The following SHMT1 variants were observed in gnomAD, a reference collection of about 807,000 sequenced individuals.
SHMT1 encodes the protein serine hydroxymethyltransferase 1.
A neutral mutation model predicts 49.0 loss-of-function variants in SHMT1; 45 were observed. The observed-to-expected ratio is 0.92, with a 90% CI of 0.72 to 1.18. The LOEUF (loss-of-function observed/expected upper bound fraction) is 1.18. SHMT1 is among the 50% of genes most tolerant of loss of function. The probability of loss-of-function intolerance (pLI) is 0.00; values close to 1 mark genes in which losing one functional copy is unlikely to be tolerated. For missense variants in SHMT1, 541 were observed against 612.4 expected, an observed-to-expected ratio of 0.88 and a Z score of 1.23; for synonymous variants, 232 against 246.6, an observed-to-expected ratio of 0.94 and a Z score of 0.55.
intron 2 of SHMT1, among the ~76,000 whole-genome samples, chr17:18,355,494 C>A (rs1598064232): frequency 6.6e-6 from 1 of 151,882 alleles, no homozygotes; most frequent in East Asian, 1.9e-4. Context: ...GAGCCAAGAT[C>A]ACGCCATTGC....
intron 3 of SHMT1, among the ~76,000 whole-genome samples, chr17:18,351,727 T>C (rs904849665): frequency 6.6e-6 from 1 of 151,864 alleles, no homozygotes; most frequent in Non-Finnish European, 1.5e-5. Flanking sequence ...TGAGCCGAGA[T>C]TGTGCCACTG....
At chr17:18,336,147 T>G (rs762843650) in intron 7 of SHMT1, among the ~76,000 whole-genome samples, 43 of 151,848 alleles carry the variant, frequency 2.8e-4, no homozygotes, top group Non-Finnish European at 4.9e-4. Context: ...CGTGGTGGTG[T>G]GCACCTGTAG....
At chr17:18,342,489 A>G (rs1984628940) in intron 5 of SHMT1, among the ~76,000 whole-genome samples, 1 of 151,800 alleles carries the variant, frequency 6.6e-6, no homozygotes, top group Non-Finnish European at 1.5e-5. Flanking sequence ...TAATTCTTAT[A>G]TTTTTGTAGA....
At chr17:18,361,256 G>A (rs1281189520) in intron 1 of SHMT1, among the ~76,000 whole-genome samples, 20 of 138,940 alleles carry the variant, frequency 1.4e-4, no homozygotes, top group Non-Finnish European at 2.7e-4. Flanking sequence ...CTGAGATCGT[G>A]CCACCGCACT....
chr17:18,331,044 C>T (rs1411684364), intron 9 of SHMT1: 2 of 360,300 alleles, frequency 5.6e-6, no homozygotes, highest in Non-Finnish European at 5.4e-6. Context: ...GTTCAATTTA[C>T]TTTGGGGGGT....
rs199755506 is a variant in SHMT1 at position 18,330,717 on chromosome 17, C to T, written c.1055-46G>A. On this transcript the variant is annotated intron_variant, in intron 9 of 11. Transcript: ENST00000316694. ...GTAGAAATGCAGGCGAATTCTATGC[C>T]GTGAAGGAATCTCTGAGAAACGAAG... 3.0e-5 allele frequency: 41 copies of T among 1,364,392 alleles called. 2 individuals carry two copies. The East Asian group carries it at 6.4e-4, about 21-fold the overall frequency. 84.5% of individuals were successfully genotyped at this position (1,364,392 alleles called of 1,614,324 possible).
At chr17:18,351,574 C>T (rs573825609) in intron 3 of SHMT1, among the ~76,000 whole-genome samples, 5 of 151,928 alleles carry the variant, frequency 3.3e-5, no homozygotes, top group South Asian at 2.1e-4. Context: ...CTGGCTAACA[C>T]GGTGAAACCC....
At chr17:18,333,086 C>T (rs1263380214) in intron 9 of SHMT1, 80 bp downstream of exon 9, 1 of 1,562,056 alleles carries the variant, frequency 6.4e-7, no homozygotes, top group Non-Finnish European at 8.8e-7. Context: ...GCCTGGGCCA[C>T]ATCCTGGTTG....
intron 3 of SHMT1, among the ~76,000 whole-genome samples, chr17:18,350,408 G>A (rs954102711): frequency 2.6e-5 from 4 of 152,034 alleles, no homozygotes; most frequent in South Asian, 2.1e-4. Context: ...TAATATGGAA[G>A]GCTCAGGTGG....
chr17:18,356,060 T>G, intron 1 of SHMT1, 60 bp from the exon 2 acceptor site: 1 of 823,538 alleles, frequency 1.2e-6, no homozygotes, highest in Admixed American at 2.5e-5. Context: ...TTTTATTTAT[T>G]TTTTATTTAT....
intron 1 of SHMT1, among the ~76,000 whole-genome samples, chr17:18,361,123 C>T (rs1018068305): frequency 9.9e-5 from 15 of 151,408 alleles, no homozygotes; most frequent in Admixed American, 5.3e-4. Context: ...CTGACCAACA[C>T]GGTAAAACTC....
At chr17:18,350,244 T>C (rs1003557335) in intron 3 of SHMT1, among the ~76,000 whole-genome samples, 74 of 152,072 alleles carry the variant, frequency 4.9e-4, no homozygotes, top group African/African-American at 1.7e-3. Context: ...GGCAGGAGAA[T>C]GGCGTGAACC....
At chr17:18,352,541 C>T (rs936149474) in intron 3 of SHMT1, among the ~76,000 whole-genome samples, 2 of 151,054 alleles carry the variant, frequency 1.3e-5, no homozygotes, top group South Asian at 2.1e-4. Context: ...TGGTGTGGAC[C>T]GGGTGCAGTG....
rs892567262 is a variant in SHMT1 at position 18,336,248 on chromosome 17, G to A, written c.815-573C>T. 2.6e-5 allele frequency among the ~76,000 whole-genome samples: 4 copies of A among 152,030 alleles called. No homozygotes were observed. In the South Asian group the frequency reaches 8.3e-4, roughly 31 times the overall value. On this transcript the variant is annotated intron_variant, in intron 7 of 11. Transcript: ENST00000316694. Reference sequence around the variant, plus strand: ...GCCAAGATCGCGCCAGTGCACTCCAGCCTGGGTGACAGAGTGACATTCTGT... The same window carrying A: ...GCCAAGATCGCGCCAGTGCACTCCAACCTGGGTGACAGAGTGACATTCTGT...
chr17:18,338,101 G>A (rs1484592354), intron 7 of SHMT1, among the ~76,000 whole-genome samples: 5 of 150,920 alleles, frequency 3.3e-5, no homozygotes, highest in East Asian at 2.0e-4. Flanking sequence ...GCCTCTTCCC[G>A]GCCGCCATCC....
intron 1 of SHMT1, among the ~76,000 whole-genome samples, chr17:18,362,118 T>C (rs1352284489): frequency 1.3e-5 from 2 of 152,152 alleles, no homozygotes; most frequent in African/African-American, 4.8e-5. Context: ...TGTTCTCTTC[T>C]TTACAGAAGA....
chr17:18,338,368 C>A (rs868443002), intron 7 of SHMT1, among the ~76,000 whole-genome samples: 8 of 152,004 alleles, frequency 5.3e-5, no homozygotes, highest in Middle Eastern at 3.5e-3. Context: ...GGGGGCAGCC[C>A]CCGCCCAGCC....
intron 1 of SHMT1, among the ~76,000 whole-genome samples, chr17:18,361,325 A>C (rs1986752500): frequency 6.6e-6 from 1 of 150,988 alleles, no homozygotes; most frequent in African/African-American, 2.4e-5. Flanking sequence ...ACAAAAACAA[A>C]AATTAGCCAG....
At chr17:18,330,692 G>A (rs1983110975) in intron 9 of SHMT1, 21 bp from the exon 10 acceptor site, 2 of 1,543,562 alleles carry the variant, frequency 1.3e-6, no homozygotes, top group Non-Finnish European at 1.8e-6. Context: ...AGTTGGACAT[G>A]TAGAAATGCA....
Sources: allele counts gnomAD v4.1 joint callset (sites outside exome capture counted in the v4.1 genomes callset), GRCh38; gene constraint gnomAD v4.1.1; transcripts MANE v1.5; gene names NCBI Gene and HGNC (gene_info 2026-07-23, HGNC 2026-07-21).